The following F13A1 variants were observed in gnomAD, a reference collection of about 807,000 sequenced individuals.
F13A1 encodes FSF, A subunit.
Under a neutral mutation model 80.1 loss-of-function variants are expected in F13A1, and 47 were observed. That is an observed-to-expected ratio of 0.59 (90% CI 0.46 to 0.75). The LOEUF is 0.75. Among genes scored for constraint, F13A1 ranks in the 30% least tolerant of loss-of-function variants. F13A1 has a pLI of 0.00. For synonymous variants in F13A1, 349 were observed against 344.9 expected, an observed-to-expected ratio of 1.01 and a Z score of -0.13; for missense variants, 817 against 930.4, an observed-to-expected ratio of 0.88 and a Z score of 1.59.
intron 4 of F13A1, among the ~76,000 whole-genome samples, chr6:6,264,149 C>T (rs1044130102): frequency 1.3e-5 from 2 of 152,202 alleles, no homozygotes; most frequent in African/African-American, 4.8e-5. Flanking sequence ...TTGTCCACCT[C>T]CTGAGTAGTT....
At chr6:6,295,505 G>A (rs1397738221) in intron 3 of F13A1, among the ~76,000 whole-genome samples, 4 of 147,450 alleles carry the variant, frequency 2.7e-5, no homozygotes, top group Non-Finnish European at 5.9e-5. Context: ...GTGATGGTGA[G>A]CATTTTTTCA....
At chr6:6,169,461 C>G (rs1331356371) in intron 12 of F13A1, 1 of 154,200 alleles carries the variant, frequency 6.5e-6, no homozygotes, top group Non-Finnish European at 1.5e-5. Context: ...GAGGTTCTAA[C>G]AGCAGAAGGG....
chr6:6,206,772 G>A (rs549269702), intron 8 of F13A1, among the ~76,000 whole-genome samples: 40 of 151,534 alleles, frequency 2.6e-4, no homozygotes, highest in Admixed American at 1.5e-3. Context: ...ATCATGCCCC[G>A]TAATGTATGG....
At chr6:6,297,508 C>A (rs561140981) in intron 3 of F13A1, among the ~76,000 whole-genome samples, 1 of 151,060 alleles carries the variant, frequency 6.6e-6, no homozygotes, top group Non-Finnish European at 1.5e-5. Context: ...TTATCCATTT[C>A]TTCTAGATTT....
chr6:6,289,350 G>C (rs958253954), intron 3 of F13A1, among the ~76,000 whole-genome samples: 7 of 152,120 alleles, frequency 4.6e-5, no homozygotes, highest in Non-Finnish European at 7.3e-5. Context: ...ATGGCAGAGG[G>C]CCAGCCACTG....
chr6:6,265,981 T>C (rs971779997), intron 4 of F13A1, among the ~76,000 whole-genome samples: 9 of 152,228 alleles, frequency 5.9e-5, no homozygotes, highest in African/African-American at 2.2e-4. Context: ...CAATTACTTT[T>C]AATTACAAAA....
intron 8 of F13A1, among the ~76,000 whole-genome samples, chr6:6,214,188 A>T (rs1364712604): frequency 1.4e-5 from 2 of 144,270 alleles, no homozygotes; most frequent in Non-Finnish European, 3.0e-5. Flanking sequence ...CCTAATAGAC[A>T]TCTACAGAAC....
At chr6:6,295,203 A>C (rs1758303887) in intron 3 of F13A1, among the ~76,000 whole-genome samples, 1 of 146,302 alleles carries the variant, frequency 6.8e-6, no homozygotes, top group Non-Finnish European at 1.5e-5. Context: ...CGCAATAAAC[A>C]TACGTGTGCA....
chr6:6,175,292 CT>C (rs1419911655), intron 11 of F13A1, among the ~76,000 whole-genome samples: 1 of 152,174 alleles, frequency 6.6e-6, no homozygotes, highest in Non-Finnish European at 1.5e-5. Flanking sequence ...TGCAATGTAA[CT>C]TTTCTCTCTG....
intron 6 of F13A1, 69 bp downstream of exon 6, chr6:6,248,243 T>C (rs1008156770): frequency 1.6e-6 from 2 of 1,223,000 alleles, no homozygotes; most frequent in Non-Finnish European, 2.4e-6. Flanking sequence ...CAGCTCTTAA[T>C]GAACTGGCAT....
intron 6 of F13A1, among the ~76,000 whole-genome samples, chr6:6,239,542 G>GTA (rs1757458173): frequency 6.6e-6 from 1 of 152,058 alleles, no homozygotes; most frequent in Non-Finnish European, 1.5e-5. Flanking sequence ...ATGTCCTTTG[G>GTA]TATATATATG....
At chr6:6,245,120 T>C (rs375966668) in intron 6 of F13A1, among the ~76,000 whole-genome samples, 3 of 152,136 alleles carry the variant, frequency 2.0e-5, no homozygotes, top group East Asian at 3.8e-4. Context: ...AGGTAGAAGA[T>C]AGGGATGTCG....
chr6:6,257,692 G>A (rs894731711), intron 4 of F13A1, among the ~76,000 whole-genome samples: 25 of 152,218 alleles, frequency 1.6e-4, no homozygotes, highest in East Asian at 3.9e-4. Context: ...CAGTGCTCAC[G>A]ACAGCACAAT....
At chr6:6,252,585 A>G (rs1359725558) in intron 4 of F13A1, among the ~76,000 whole-genome samples, 1 of 152,220 alleles carries the variant, frequency 6.6e-6, no homozygotes, top group African/African-American at 2.4e-5. Context: ...TAACTCTGAG[A>G]GTCATATAAG....
chr6:6,267,266 A>T (rs1009528429), intron 3 of F13A1, among the ~76,000 whole-genome samples: 6 of 152,252 alleles, frequency 3.9e-5, no homozygotes, highest in Admixed American at 1.3e-4. Context: ...ACACTTTGCT[A>T]TTAGGGATAT....
At chr6:6,267,614 T>C (rs188084860) in intron 3 of F13A1, among the ~76,000 whole-genome samples, 14 of 152,360 alleles carry the variant, frequency 9.2e-5, no homozygotes, top group Non-Finnish European at 1.8e-4. Flanking sequence ...ATTCATTTAT[T>C]ACAGTGGTTC....
intron 10 of F13A1, among the ~76,000 whole-genome samples, chr6:6,191,000 G>A (rs1002370108): frequency 5.6e-5 from 8 of 142,650 alleles, no homozygotes; most frequent in African/African-American, 1.3e-4. Context: ...GGTGCCATCC[G>A]TCACCCCTTT....
At chr6:6,164,182 T>C (rs1303978624) in intron 13 of F13A1, among the ~76,000 whole-genome samples, 1 of 151,578 alleles carries the variant, frequency 6.6e-6, no homozygotes, top group Non-Finnish European at 1.5e-5. Flanking sequence ...CCAACAAGCA[T>C]ATGAAAAAAA....
At chr6:6,180,894 T>C (rs551620023) in intron 11 of F13A1, among the ~76,000 whole-genome samples, 1 of 152,260 alleles carries the variant, frequency 6.6e-6, no homozygotes, top group South Asian at 2.1e-4. Flanking sequence ...TAGCACTTCA[T>C]GGATTCCAAT....
Sources: allele counts gnomAD v4.1 joint callset (sites outside exome capture counted in the v4.1 genomes callset), GRCh38; gene constraint gnomAD v4.1.1; transcripts MANE v1.5; gene names NCBI Gene and HGNC (gene_info 2026-07-23, HGNC 2026-07-21).